The following TRIP12 variants were observed in gnomAD, a reference collection of about 807,000 sequenced individuals.
The protein encoded by TRIP12 is thyroid hormone receptor interactor 12.
Under a neutral mutation model 244.2 loss-of-function variants are expected in TRIP12, and 25 were observed. That is an observed-to-expected ratio of 0.10 (90% CI 0.07 to 0.14). The LOEUF is 0.14. TRIP12 is among the 10% of genes least tolerant of loss of function. The pLI, the probability that TRIP12 is intolerant of heterozygous loss-of-function variation, is 1.00. For missense variants in TRIP12, 1,677 were observed against 2,486.4 expected, an observed-to-expected ratio of 0.67 and a Z score of 6.92; for synonymous variants, 905 against 873.1, an observed-to-expected ratio of 1.04 and a Z score of -0.64.
At chr2:229,840,964 G>A in intron 4 of TRIP12, 37 bp from the exon 5 acceptor site, 1 of 1,405,438 alleles carries the variant, frequency 7.1e-7, no homozygotes, top group Non-Finnish European at 9.7e-7. Context: ...ATTTTATAAT[G>A]AGAAATTATC....
chr2:229,805,903 A>G lies in TRIP12; in HGVS notation c.2497-20T>C. The G allele has an allele frequency of 2.0e-6, 3 of 1,506,360 alleles. No homozygotes were observed. The highest frequency in any genetic ancestry group is 2.5e-5 in the South Asian group (2 of 80,870). The allele number at this position is 1,506,360 out of a possible 1,614,324, so 93.3% of individuals were successfully genotyped here. ...GGCTGCCTGAGAGCAAAGAGAGAGA[A>G]ACTTTGAATATAAACATTGAGAAAT... On this transcript the variant is annotated intron_variant, in intron 17 of 41. Transcript: ENST00000675903.
chr2:229,813,897 T>A lies in TRIP12; in HGVS notation c.1959A>T (p.Pro653=). The change falls in exon 13 of 42, where the codon CCA becomes CCT. Residue 653 remains proline, a synonymous_variant. Transcript: ENST00000675903. ...DEFHFVADSL[P]LLTQRLTHQD... is the part of the protein sequence containing the mutation. Reference sequence around the variant, plus strand: ...GATGTGTTAGCCTTTGGGTTAGCAATGGGAGTGAATCTGCCACAAAATGAA... The same window carrying A: ...GATGTGTTAGCCTTTGGGTTAGCAAAGGGAGTGAATCTGCCACAAAATGAA... 6.4e-7 allele frequency: 1 copy of A among 1,572,198 alleles called. No individual in the cohort carries two copies. The highest frequency in any genetic ancestry group is 8.7e-7 in the Non-Finnish European group (1 of 1,149,954).
intron 6 of TRIP12, among the ~76,000 whole-genome samples, chr2:229,831,871 T>TG (rs1171530763): frequency 2.3e-5 from 3 of 129,574 alleles, no homozygotes; most frequent in Non-Finnish European, 4.6e-5. Flanking sequence ...AAAGGTTTTT[T>TG]TTGTTTGTTT....
Position 229,799,391 on chromosome 2 carries a change from T to C in TRIP12, c.3207-8A>G. The C allele has an allele frequency of 6.2e-7, 1 of 1,611,286 alleles. No individual in the cohort carries two copies. The highest frequency in any genetic ancestry group is 8.5e-7 in the Non-Finnish European group (1 of 1,177,696). ...AGAACATCACTTAATCGACTGTCCA[T>C]GGGAAAATATGAGATAAGTTTAGCA... is the stretch of plus-strand genomic sequence containing the variant. On this transcript the variant is annotated splice_region_variant and splice_polypyrimidine_tract_variant and intron_variant, in intron 21 of 41. Transcript: ENST00000675903.
In TRIP12 at chr2:229,814,423, T is replaced by G. The variant is rs575855541; in HGVS notation, c.1732-98A>C. On this transcript the variant is annotated intron_variant, in intron 11 of 41. Transcript: ENST00000675903. ...TTCTCTAATTTACATCCATGTATAC[T>G]ATCTCTAACATGTAACCCACCATAG... The G allele has an allele frequency of 6.7e-4, 769 of 1,152,872 alleles. 5 individuals are homozygous for G. The African/African-American group carries it at 0.011, about 16-fold the overall frequency. 71.4% of individuals were successfully genotyped at this position (1,152,872 alleles called of 1,614,324 possible). A position where few individuals can be genotyped will look rare whatever the true frequency, so the allele number is the denominator to read the frequency against.
At chr2:229,818,234 G>C (rs2048999446) in intron 9 of TRIP12, 130 bp downstream of exon 9, 3 of 1,000,302 alleles carry the variant, frequency 3.0e-6, no homozygotes, top group Non-Finnish European at 4.4e-6. Flanking sequence ...CAAGCACCAA[G>C]TCATATACTC....
intron 1 of TRIP12, among the ~76,000 whole-genome samples, chr2:229,912,376 G>C (rs922715489): frequency 5.3e-5 from 8 of 152,044 alleles, no homozygotes; most frequent in Non-Finnish European, 1.0e-4. Context: ...CACCTATTCA[G>C]GGATCAACAA....
intron 1 of TRIP12, among the ~76,000 whole-genome samples, chr2:229,917,459 A>G (rs569170368): frequency 2.7e-5 from 4 of 149,258 alleles, no homozygotes; most frequent in African/African-American, 7.4e-5. Context: ...TCTAAAAATT[A>G]TATTTATTCT....
chr2:229,794,669 T>C (rs920837561), intron 26 of TRIP12, among the ~76,000 whole-genome samples: 6 of 152,242 alleles, frequency 3.9e-5, no homozygotes, highest in Middle Eastern at 6.8e-3. Context: ...TTCCACAACA[T>C]AGAACAATTC....
intron 1 of TRIP12, among the ~76,000 whole-genome samples, chr2:229,896,888 T>TAATA (rs2068991299): frequency 6.6e-6 from 1 of 152,214 alleles, no homozygotes; most frequent in Admixed American, 6.5e-5. Flanking sequence ...TTACAGTTTA[T>TAATA]AATACTACAA....
At chr2:229,810,800 T>A in intron 15 of TRIP12, 80 bp downstream of exon 15, 1 of 1,402,202 alleles carries the variant, frequency 7.1e-7, no homozygotes, top group South Asian at 1.4e-5. Context: ...CTCTTCCATT[T>A]GCTCGGCTTA....
In TRIP12 at chr2:229,804,210, T is replaced by C; in HGVS notation, c.2668A>G (p.Lys890Glu). 1 of 1,613,300 alleles carries C rather than the reference T, an allele frequency of 6.2e-7. No homozygotes were observed. Among genetic ancestry groups the C allele is most frequent in the South Asian group, 1.1e-5 (1 of 90,746 alleles). The part of the protein sequence containing the change: ...NSNTSGYSES[K>E]KDDARAQLMK... ...AGCTGTGCTCGAGCATCATCCTTCTTTGACTCTGAATATCCACCTATTACA... is the reference window on the plus strand; with the variant it reads ...AGCTGTGCTCGAGCATCATCCTTCTCTGACTCTGAATATCCACCTATTACA... Residue 890 changes from lysine (K) to glutamate (E), a missense_variant, in exon 19 of 42, where the codon AAG (lysine) becomes GAG (glutamate). Around this residue, in one of 11 missense-constraint regions of TRIP12, gnomAD observed 572 missense variants for 867.8 expected, o/e 0.66. Transcript: ENST00000675903.
intron 15 of TRIP12, 52 bp downstream of exon 15, chr2:229,810,828 A>T: frequency 6.3e-7 from 1 of 1,579,270 alleles, no homozygotes; most frequent in South Asian, 1.1e-5. Context: ...TTTACATATT[A>T]ATGAAGAACC....
intron 25 of TRIP12, 86 bp from the exon 26 acceptor site, chr2:229,795,416 A>T (rs952173431): frequency 7.0e-7 from 1 of 1,424,176 alleles, no homozygotes; most frequent in African/African-American, 1.4e-5. Context: ...AAGCAGCTTT[A>T]TAAAAGAGAA....
At chr2:229,914,159 C>T (rs997138582) in intron 1 of TRIP12, among the ~76,000 whole-genome samples, 1 of 151,866 alleles carries the variant, frequency 6.6e-6, no homozygotes, top group Non-Finnish European at 1.5e-5. Flanking sequence ...GAGTCGGGAT[C>T]GCACCACTGC....
chr2:229,797,558 G>C (rs1233000325), intron 24 of TRIP12, 132 bp downstream of exon 24: 1 of 1,021,496 alleles, frequency 9.8e-7, no homozygotes, highest in African/African-American at 1.6e-5. Context: ...CAGCACCAAG[G>C]GTGTATATAA....
intron 34 of TRIP12, among the ~76,000 whole-genome samples, chr2:229,783,242 A>G (rs768043294): frequency 1.3e-5 from 2 of 152,248 alleles, no homozygotes; most frequent in Non-Finnish European, 2.9e-5. Context: ...TTCTGTGACT[A>G]TAAAGGTTCA....
chr2:229,788,165 T>C (rs1001613597), intron 32 of TRIP12, among the ~76,000 whole-genome samples: 2 of 152,236 alleles, frequency 1.3e-5, no homozygotes, highest in Non-Finnish European at 2.9e-5. Flanking sequence ...GATCAAGTAA[T>C]AGTGCATTAA....
intron 13 of TRIP12, among the ~76,000 whole-genome samples, chr2:229,812,189 C>T (rs914950925): frequency 1.3e-5 from 2 of 152,130 alleles, no homozygotes; most frequent in Non-Finnish European, 2.9e-5. Flanking sequence ...CTCCCGAGAT[C>T]AAGCGATCCT....
Sources: gnomAD v4.1 joint callset for allele counts (sites outside exome capture counted in the v4.1 genomes callset) on GRCh38, gnomAD v4.1.1 for gene constraint, gnomAD v4.1.1 regional missense constraint, MANE v1.5 for transcripts, NCBI Gene and HGNC (gene_info 2026-07-23, HGNC 2026-07-21) for gene names.